CDC7: variants seen among roughly 807,000 people sequenced by gnomAD.
CDC7 encodes the protein cell division cycle 7-related protein kinase.
In CDC7, 34 loss-of-function variants were observed where a neutral mutation model predicts 53.5. That is an observed-to-expected ratio of 0.64 (90% confidence interval 0.48 to 0.85). CDC7 has a LOEUF of 0.85. Among genes scored for constraint, CDC7 ranks in the 40% least tolerant of loss-of-function variants. The pLI is 0.00. For synonymous variants in CDC7, 211 were observed against 222.8 expected, an observed-to-expected ratio of 0.95 and a Z score of 0.47; for missense variants, 594 against 679.7, an observed-to-expected ratio of 0.87 and a Z score of 1.40.
chr1:91,513,878 G>T, intron 7 of CDC7, 70 bp from the exon 8 acceptor site: 1 of 1,103,460 alleles, frequency 9.1e-7, no homozygotes, highest in Non-Finnish European at 1.4e-6. Context: ...TCAAAACTAT[G>T]GCAGAGTACA....
rs1667108151 is a variant in CDC7 at position 91,508,515 on chromosome 1, T to C, written c.335+118T>C. On this transcript the variant is annotated intron_variant, in intron 4 of 11. Coordinates refer to ENST00000234626, the MANE Select transcript of CDC7 (RefSeq NM_003503.4). ...ATTAAATACATTTTTCAGTCAAGTG[T>C]TTGCAATTTGCTAGCACTTTCCTTC... 9.4e-6 allele frequency: 7 copies of C among 745,552 alleles called. No homozygotes were observed. The Admixed American group carries it at 1.0e-4, about 11-fold the overall frequency. 46.2% of individuals were successfully genotyped at this position (745,552 alleles called of 1,614,324 possible). A position where few individuals can be genotyped will look rare whatever the true frequency, so the allele number is the denominator to read the frequency against.
intron 4 of CDC7, among the ~76,000 whole-genome samples, chr1:91,509,839 A>G (rs888600219): frequency 2.6e-5 from 4 of 152,084 alleles, no homozygotes; most frequent in South Asian, 2.1e-4. Flanking sequence ...ATTTGTCTCA[A>G]GAGCTTTCTT....
intron 1 of CDC7, 192 bp from the exon 2 acceptor site, chr1:91,501,462 C>T (rs1412231762): frequency 5.2e-6 from 2 of 387,354 alleles, no homozygotes; most frequent in East Asian, 7.9e-5. Context: ...CCCTGCAGCC[C>T]CCTGCCGGTG....
At chr1:91,507,778 T>C (rs974620768) in intron 2 of CDC7, 76 bp from the exon 3 acceptor site, 3 of 967,164 alleles carry the variant, frequency 3.1e-6, no homozygotes, top group Non-Finnish European at 4.7e-6. Flanking sequence ...TTTATTTCAT[T>C]GAGCTTTTTA....
intron 9 of CDC7, 62 bp downstream of exon 9, chr1:91,515,059 T>C: frequency 1.4e-6 from 2 of 1,454,348 alleles, no homozygotes; most frequent in Non-Finnish European, 1.9e-6. Flanking sequence ...TTGCATTGAC[T>C]TGGGTGGATA....
At chr1:91,502,716 A>G (rs1394816675) in intron 2 of CDC7, among the ~76,000 whole-genome samples, 2 of 152,128 alleles carry the variant, frequency 1.3e-5, no homozygotes, top group African/African-American at 2.4e-5. Flanking sequence ...TAAGTATGGC[A>G]TTGTGTCTTC....
intron 7 of CDC7, 117 bp from the exon 8 acceptor site, chr1:91,513,831 G>A: frequency 1.5e-6 from 1 of 652,920 alleles, no homozygotes; most frequent in Non-Finnish European, 2.7e-6. Flanking sequence ...AGAATGACTT[G>A]GATGCAGCTG....
At chr1:91,517,031 C>T (rs1332235438) in intron 10 of CDC7, among the ~76,000 whole-genome samples, 1 of 152,072 alleles carries the variant, frequency 6.6e-6, no homozygotes, top group Non-Finnish European at 1.5e-5. Context: ...CACCATTGCC[C>T]TCCAACCTGG....
chr1:91,509,038 G>T (rs186191759), intron 4 of CDC7, among the ~76,000 whole-genome samples: 1 of 152,024 alleles, frequency 6.6e-6, no homozygotes, highest in East Asian at 1.9e-4. Context: ...CACAATTGAC[G>T]TGAACCCTTG....
intron 11 of CDC7, 96 bp downstream of exon 11, chr1:91,520,375 ACATT>A (rs1454831864): frequency 9.5e-7 from 1 of 1,049,174 alleles, no homozygotes; most frequent in East Asian, 2.7e-5. Flanking sequence ...TTACAAATAA[ACATT>A]CAGTCTTGAT....
At chr1:91,506,566 C>G (rs1666999018) in intron 2 of CDC7, among the ~76,000 whole-genome samples, 1 of 152,160 alleles carries the variant, frequency 6.6e-6, no homozygotes, top group Non-Finnish European at 1.5e-5. Context: ...GTTTCCTTTA[C>G]TAGACCAAGC....
Position 91,524,121 on chromosome 1 carries a change from A to G in CDC7, c.1411A>G (p.Ser471Gly). 1 of 1,613,940 alleles carries G rather than the reference A, an allele frequency of 6.2e-7. No homozygotes were observed. The highest frequency in any genetic ancestry group is 8.5e-7 in the Non-Finnish European group (1 of 1,179,856). Residue 471 changes from serine to glycine, a missense_variant, in exon 12 of 12, where the codon AGC (serine) becomes GGC (glycine). Physicochemically the swap from Ser to Gly is moderately conservative, Grantham distance 56. Coordinates refer to ENST00000234626, the MANE Select transcript of CDC7 (RefSeq NM_003503.4). ...TGAGAGACTCAGGGGTATGGATTCT[A>G]GCACTCCCAAGTTAACAAGTGATAT... ...LCERLRGMDS[S>G]TPKLTSDIQG...
chr1:91,504,529 A>C (rs1336098950), intron 2 of CDC7, among the ~76,000 whole-genome samples: 1 of 152,216 alleles, frequency 6.6e-6, no homozygotes, highest in Non-Finnish European at 1.5e-5. Context: ...CATACTGGTG[A>C]ACTCTACTGG....
rs894987174 is a variant in CDC7, at chr1:91,524,757, T to C, written c.*322T>C. 4.8e-6 allele frequency: 1 copy of C among 208,496 alleles called. No individual in the cohort carries two copies. The highest frequency in any genetic ancestry group is 2.3e-5 in the African/African-American group (1 of 43,366). 12.9% of individuals were successfully genotyped at this position (208,496 alleles called of 1,614,324 possible). On this transcript the variant is annotated 3_prime_UTR_variant, in exon 12 of 12. Transcript: ENST00000234626. ...AAGGAGCAGTTTTAGTTTTAATTAA[T>C]TAAAATTAACAGATGTGATGAGGAT...
At chr1:91,521,212 T>TA (rs1314208493) in intron 11 of CDC7, among the ~76,000 whole-genome samples, 1 of 152,186 alleles carries the variant, frequency 6.6e-6, no homozygotes, top group East Asian at 1.9e-4. Flanking sequence ...AAGAAATACA[T>TA]ATGCCTGCCC....
rs1274748358 is a variant in CDC7, at chr1:91,524,939, CTA to C, written c.*505_*506del. ...GTACATATTAGGCCTTTTATGAACA[CTA>C]AAACAATGAGGAAATGTTGGTCATG... On this transcript the variant is annotated 3_prime_UTR_variant, in exon 12 of 12. Transcript: ENST00000234626. 2.6e-5 allele frequency: 4 copies of C among 152,108 alleles called. No homozygotes were observed. The highest frequency in any genetic ancestry group is 9.7e-5 in the African/African-American group (4 of 41,408). 9.4% of individuals were successfully genotyped at this position (152,108 alleles called of 1,614,324 possible). A position where few individuals can be genotyped will look rare whatever the true frequency, so the allele number is the denominator to read the frequency against.
At chr1:91,507,965 T>G in intron 3 of CDC7, 28 bp downstream of exon 3, 2 of 1,528,126 alleles carry the variant, frequency 1.3e-6, no homozygotes, top group Non-Finnish European at 1.8e-6. Context: ...TTTTACTATT[T>G]TTACGAGGTC....
chr1:91,511,295 T>C (rs1667274014), intron 4 of CDC7, among the ~76,000 whole-genome samples: 1 of 152,154 alleles, frequency 6.6e-6, no homozygotes, highest in Admixed American at 6.6e-5. Context: ...ACTGTTACCA[T>C]CTTATCTGCT....
In CDC7 at chr1:91,525,702, TA is replaced by T. The variant is rs778503608; in HGVS notation, c.*1275del. On this transcript the variant is annotated 3_prime_UTR_variant, in exon 12 of 12. Transcript: ENST00000234626. Reference sequence around the variant, plus strand: ...ATTGATCTGTCTTATGCCATAATCTTAAAAAAAATTTGAATGCTCTTGAATT... The same window carrying T: ...ATTGATCTGTCTTATGCCATAATCTTAAAAAAATTTGAATGCTCTTGAATT... The T allele has an allele frequency of 3.3e-5, 5 of 151,728 alleles. No homozygotes were observed. The highest frequency in any genetic ancestry group is 7.2e-5 in the African/African-American group (3 of 41,416). 9.4% of individuals were successfully genotyped at this position (151,728 alleles called of 1,614,324 possible). A position where few individuals can be genotyped will look rare whatever the true frequency, so the allele number is the denominator to read the frequency against.
Sources: allele counts gnomAD v4.1 joint callset (sites outside exome capture counted in the v4.1 genomes callset), GRCh38; gene constraint gnomAD v4.1.1; transcripts MANE v1.5; gene names NCBI Gene and HGNC (gene_info 2026-07-23, HGNC 2026-07-21).